The following MYH14 variants were observed in gnomAD, a reference collection of about 807,000 sequenced individuals.
The protein encoded by MYH14 is myosin heavy chain 14.
Under a neutral mutation model 255.5 loss-of-function variants are expected in MYH14, and 123 were observed. The observed-to-expected ratio is 0.48, with a 90% CI of 0.42 to 0.56. MYH14 has a LOEUF of 0.56. Among genes scored for constraint, MYH14 ranks in the 20% least tolerant of loss-of-function variants. The pLI is 0.00. For synonymous variants in MYH14, 1,095 were observed against 1,161.2 expected (o/e 0.94, Z 1.16); for missense variants, 2,423 against 2,802.3 (o/e 0.86, Z 3.06).
rs2123492248 is a variant in MYH14 at position 50,307,127 on chromosome 19, G to A, written c.5757G>A (p.Glu1919=). The change falls in exon 41 of 43, where the codon GAG becomes GAA. Residue 1919 remains glutamate (E), a synonymous_variant. Coordinates refer to ENST00000642316, the MANE Select transcript of MYH14 (RefSeq NM_001145809.2). The part of the protein sequence containing the change: ...LKEVVLQVEE[E]RRVADQLRDQ... Reference sequence around the variant, plus strand: ...AGGTGGTGCTCCAGGTGGAGGAGGAGCGGAGGGTGGCTGACCAGCTCCGGG... The same window carrying A: ...AGGTGGTGCTCCAGGTGGAGGAGGAACGGAGGGTGGCTGACCAGCTCCGGG... The A allele has an allele frequency of 6.5e-7, 1 of 1,549,838 alleles. No homozygotes were observed. The highest frequency in any genetic ancestry group is 1.2e-5 in the South Asian group (1 of 83,988).
intron 23 of MYH14, among the ~76,000 whole-genome samples, 182 bp from the exon 24 acceptor site, chr19:50,267,979 A>G (rs936566406): frequency 6.6e-6 from 1 of 151,592 alleles, no homozygotes; most frequent in South Asian, 2.1e-4. Context: ...GATTAGGGGG[A>G]TGTGGGCTCA....
rs2036139489 is a variant in MYH14 at position 50,293,052 on chromosome 19, G to C, written c.5257-181G>C. 6.6e-6 allele frequency among the ~76,000 whole-genome samples: 1 copy of C among 152,060 alleles called. No homozygotes were observed. The highest frequency in any genetic ancestry group is 2.4e-5 in the African/African-American group (1 of 41,380). On this transcript the variant is annotated intron_variant, in intron 37 of 42. Coordinates refer to ENST00000642316, the MANE Select transcript of MYH14 (RefSeq NM_001145809.2). The surrounding 1 kb of genome is among the most constrained non-coding windows in gnomAD (Gnocchi z 4.1). The stretch of plus-strand genomic sequence containing the variant: ...GTTGGGCTGCAAGAGGTGAGCACAG[G>C]TCAGGGGCTCAGGAGACAGATTTAG...
intron 26 of MYH14, 31 bp downstream of exon 26, chr19:50,272,003 T>A: frequency 6.3e-7 from 1 of 1,599,874 alleles, no homozygotes; most frequent in South Asian, 1.1e-5. Flanking sequence ...TAGGGGTCTG[T>A]GTGTGCTCTA....
intron 2 of MYH14, among the ~76,000 whole-genome samples, chr19:50,217,156 C>T (rs955089538): frequency 5.3e-5 from 8 of 152,288 alleles, no homozygotes; most frequent in African/African-American, 1.7e-4. Context: ...TCACGCAGTC[C>T]TCAACTCACC....
chr19:50,219,118 ATGTG>A (rs1280753112), intron 3 of MYH14, among the ~76,000 whole-genome samples: 5 of 136,662 alleles, frequency 3.7e-5, no homozygotes, highest in Middle Eastern at 3.6e-3. Flanking sequence ...TGGGATATAT[ATGTG>A]TGTGTGTGTA....
intron 8 of MYH14, among the ~76,000 whole-genome samples, chr19:50,229,630 A>G (rs2033276455): frequency 6.6e-6 from 1 of 152,078 alleles, no homozygotes; most frequent in Non-Finnish European, 1.5e-5. Flanking sequence ...ACAGAGCCAG[A>G]CCCTGTCTAA....
chr19:50,257,555 G>A lies in MYH14; in HGVS notation c.2232+69G>A, dbSNP rs576893056. 2.4e-5 allele frequency: 35 copies of A among 1,461,418 alleles called. No homozygotes were observed. In the East Asian group the frequency reaches 7.9e-4, roughly 33 times the overall value. 90.5% of individuals were successfully genotyped at this position (1,461,418 alleles called of 1,614,324 possible). ...GGTTAAGGTTTGGCCTCTGGACTTG[G>A]CTGGAGCCACATCTGATTCGAGGAC... On this transcript the variant is annotated intron_variant, in intron 18 of 42. Coordinates refer to ENST00000642316, the MANE Select transcript of MYH14 (RefSeq NM_001145809.2).
At chr19:50,254,851 AAAC>A (rs1376246838) in intron 16 of MYH14, among the ~76,000 whole-genome samples, 20 of 152,230 alleles carry the variant, frequency 1.3e-4, no homozygotes, top group African/African-American at 4.6e-4. Context: ...TGAGAGGCAA[AAAC>A]AACAAGTGGC....
At chr19:50,240,554 C>CT (rs1299266585) in intron 10 of MYH14, among the ~76,000 whole-genome samples, 2 of 152,096 alleles carry the variant, frequency 1.3e-5, no homozygotes, top group East Asian at 3.9e-4. Flanking sequence ...CACTGCACTC[C>CT]AGCCTGGGCA....
At chr19:50,244,711 A>C (rs1162921565) in intron 11 of MYH14, among the ~76,000 whole-genome samples, 2 of 151,786 alleles carry the variant, frequency 1.3e-5, no homozygotes, top group African/African-American at 2.4e-5. Flanking sequence ...TCTCGATCTC[A>C]TGACCTCGTG....
rs1375962664 is a variant in MYH14, at chr19:50,223,248, G to A, written c.592G>A (p.Gly198Arg). ...TGCTTCCCCTTGTCATCCCCACAGT[G>A]GAGAGTCTGGAGCTGGGAAGACGGA... Reference protein sequence around the residue: ...DREDQSILCTGESGAGKTENT... With the variant: ...DREDQSILCTRESGAGKTENT... Residue 198 changes from glycine to arginine, a missense_variant and splice_region_variant, in exon 5 of 43, where the codon GGA becomes AGA. Around this residue, in one of 3 missense-constraint regions of MYH14, gnomAD observed 672 missense variants for 881.8 expected, o/e 0.76. Coordinates refer to ENST00000642316, the MANE Select transcript of MYH14 (RefSeq NM_001145809.2). The A allele has an allele frequency of 1.2e-6, 2 of 1,613,288 alleles. No homozygotes were observed. The highest frequency in any genetic ancestry group is 1.7e-6 in the Non-Finnish European group (2 of 1,179,546).
chr19:50,219,284 C>A (rs1343532721), intron 3 of MYH14, among the ~76,000 whole-genome samples: 1 of 151,512 alleles, frequency 6.6e-6, no homozygotes, highest in Non-Finnish European at 1.5e-5. Flanking sequence ...AGCTTCTTTT[C>A]CTCTGGGTGG....
intron 40 of MYH14, among the ~76,000 whole-genome samples, chr19:50,302,284 T>TAAAA (rs57153887): frequency 1.7e-5 from 2 of 117,382 alleles, no homozygotes; most frequent in South Asian, 2.8e-4. Flanking sequence ...ACCTTGTCTC[T>TAAAA]AAAAAAAAAA....
chr19:50,259,572 G>T (rs1375268137), intron 19 of MYH14, among the ~76,000 whole-genome samples: 1 of 152,166 alleles, frequency 6.6e-6, no homozygotes, highest in Non-Finnish European at 1.5e-5. Flanking sequence ...TTACAAATCT[G>T]CATGTCTTTA....
chr19:50,292,424 A>G, intron 37 of MYH14, 35 bp downstream of exon 37: 1 of 1,505,090 alleles, frequency 6.6e-7, no homozygotes, highest in African/African-American at 1.4e-5. Flanking sequence ...TGGGACAGGA[A>G]GCTGGGAGGT....
intron 10 of MYH14, among the ~76,000 whole-genome samples, chr19:50,236,575 G>A (rs2033666059): frequency 6.6e-6 from 1 of 151,908 alleles, no homozygotes; most frequent in African/African-American, 2.4e-5. Context: ...GGGCGTGGTG[G>A]CACATGCCTG....
chr19:50,226,805 A>G, intron 7 of MYH14, 98 bp from the exon 8 acceptor site: 1 of 1,137,152 alleles, frequency 8.8e-7, no homozygotes, highest in Non-Finnish European at 1.3e-6. Flanking sequence ...GGGCAGCCGC[A>G]GCTCTGGGAG....
chr19:50,247,231 T>G, intron 12 of MYH14, 109 bp downstream of exon 12: 1 of 755,896 alleles, frequency 1.3e-6, no homozygotes, highest in Non-Finnish European at 2.2e-6. Context: ...TTTTGCTGAG[T>G]GCCCGCTCCG....
rs528415174 is a variant in MYH14, at chr19:50,296,181, A to G, written c.5469+2494A>G. Among the ~76,000 whole-genome samples, 11 of 152,262 alleles carry G rather than the reference A, an allele frequency of 7.2e-5. No individual in the cohort carries two copies. In the South Asian group the frequency reaches 2.3e-3, roughly 32 times the overall value. On this transcript the variant is annotated intron_variant, in intron 39 of 42. Coordinates refer to ENST00000642316, the MANE Select transcript of MYH14 (RefSeq NM_001145809.2). ...TTCTCAATTTGACTTCATCATATTC[A>G]CGTGAACTGGTGATGTATTTTATAC...
Sources: gnomAD v4.1 joint callset for allele counts (sites outside exome capture counted in the v4.1 genomes callset) on GRCh38, gnomAD v4.1.1 for gene constraint, gnomAD v4.1.1 regional missense constraint, Gnocchi (gnomAD v3.1) non-coding constraint, MANE v1.5 for transcripts, NCBI Gene and HGNC (gene_info 2026-07-23, HGNC 2026-07-21) for gene names.